Variants in DOCK3 observed in about 807,000 individuals in gnomAD.
The protein encoded by DOCK3 is dedicator of cytokinesis protein 3.
DOCK3 carries 60 observed loss-of-function variants against 265.6 expected under a neutral mutation model. That is an observed-to-expected ratio of 0.23 (90% CI 0.18 to 0.28). The LOEUF is 0.28. DOCK3 is among the 10% of genes least tolerant of loss of function. DOCK3 has a pLI of 1.00. For synonymous variants in DOCK3, 881 were observed against 938.0 expected (o/e 0.94, Z 1.11); for missense variants, 1,981 against 2,594.3 (o/e 0.76, Z 5.14).
At position 51,146,614 on chromosome 3, in the gene DOCK3, T is replaced by C. The variant is rs748067290; in HGVS notation, c.812T>C (p.Met271Thr). 3.0e-5 allele frequency: 48 copies of C among 1,591,124 alleles called. No homozygotes were observed. Among genetic ancestry groups the C allele is most frequent in the Admixed American group, 5.3e-5 (3 of 56,346 alleles). Residue 271 changes from methionine to threonine, a missense_variant, in exon 10 of 53, where the codon ATG becomes ACG. Physicochemically the swap from Met to Thr is moderately conservative, Grantham distance 81. Around this residue, in one of 4 missense-constraint regions of DOCK3, gnomAD observed 456 missense variants for 539.0 expected, o/e 0.85. Coordinates refer to ENST00000266037, the MANE Select transcript of DOCK3 (RefSeq NM_004947.5). ...AGGAACCCAGAGAAGATAGAACGAA[T>C]GTGTGCCCTTTTTACAGTATGTACG... ...GPRNPEKIER[M>T]CALFTDLSSK...
intron 4 of DOCK3, among the ~76,000 whole-genome samples, chr3:50,898,347 G>T (rs1553694071): frequency 6.6e-6 from 1 of 151,832 alleles, no homozygotes; most frequent in African/African-American, 2.4e-5. Flanking sequence ...CACTTTATTG[G>T]GTCTATTGGA....
chr3:51,135,491 A>T (rs2084751746), intron 9 of DOCK3, among the ~76,000 whole-genome samples: 1 of 152,158 alleles, frequency 6.6e-6, no homozygotes, highest in African/African-American at 2.4e-5. Context: ...CCCTAATACC[A>T]GTTGAAGTCC....
At chr3:51,266,301 C>G (rs1437517110) in intron 23 of DOCK3, among the ~76,000 whole-genome samples, 1 of 152,148 alleles carries the variant, frequency 6.6e-6, no homozygotes, top group East Asian at 1.9e-4. Context: ...CTACCACTGA[C>G]TTTCTTCACA....
At chr3:51,339,584 C>T (rs1040745884) in intron 37 of DOCK3, among the ~76,000 whole-genome samples, 2 of 152,198 alleles carry the variant, frequency 1.3e-5, no homozygotes, top group African/African-American at 4.8e-5. Flanking sequence ...GATAGGGCTC[C>T]TTTCATTGTA....
intron 5 of DOCK3, among the ~76,000 whole-genome samples, chr3:50,965,608 TA>T (rs2077004276): frequency 6.6e-6 from 1 of 152,108 alleles, no homozygotes; most frequent in South Asian, 2.1e-4. Flanking sequence ...TATTTCTGTA[TA>T]TAATAACTGT....
intron 5 of DOCK3, among the ~76,000 whole-genome samples, chr3:51,011,697 A>G (rs761384309): frequency 6.6e-6 from 1 of 152,190 alleles, no homozygotes; most frequent in Admixed American, 6.5e-5. Flanking sequence ...GGGAAGAGGC[A>G]CACTGATTTT....
intron 2 of DOCK3, among the ~76,000 whole-genome samples, chr3:50,816,433 C>T (rs3940822): frequency 0.095 from 14,302 of 151,086 alleles, 843 homozygotes; most frequent in Non-Finnish European, 0.12. Flanking sequence ...GTGATTCTCC[C>T]GCCTCAGCCT....
At chr3:50,712,043 AT>A (rs1184531095) in intron 1 of DOCK3, among the ~76,000 whole-genome samples, 1 of 152,006 alleles carries the variant, frequency 6.6e-6, no homozygotes, top group African/African-American at 2.4e-5. Flanking sequence ...GATTTTAGTA[AT>A]TTAAGTCTTT....
At chr3:50,928,347 T>G (rs1003574248) in intron 4 of DOCK3, among the ~76,000 whole-genome samples, 7 of 152,124 alleles carry the variant, frequency 4.6e-5, no homozygotes, top group African/African-American at 1.7e-4. Flanking sequence ...TTCTATTTTC[T>G]GTCTCTATGA....
chr3:50,905,967 C>T (rs1425517742), intron 4 of DOCK3, among the ~76,000 whole-genome samples: 1 of 152,022 alleles, frequency 6.6e-6, no homozygotes, highest in African/African-American at 2.4e-5. Flanking sequence ...GAGTTTTTAG[C>T]ATGAAGGGCT....
At chr3:50,940,585 T>A (rs931044154) in intron 5 of DOCK3, among the ~76,000 whole-genome samples, 2 of 152,104 alleles carry the variant, frequency 1.3e-5, no homozygotes, top group Admixed American at 1.3e-4. Context: ...TTTTTTTAAA[T>A]TAAAAATAAA....
intron 2 of DOCK3, among the ~76,000 whole-genome samples, chr3:50,805,185 G>T (rs1159097203): frequency 6.6e-6 from 1 of 152,122 alleles, no homozygotes; most frequent in Non-Finnish European, 1.5e-5. Flanking sequence ...TTATTTGCAT[G>T]AGTCTTGGGG....
chr3:50,756,189 T>C (rs1025143073), intron 1 of DOCK3, among the ~76,000 whole-genome samples: 2 of 152,204 alleles, frequency 1.3e-5, no homozygotes, highest in African/African-American at 4.8e-5. Context: ...TTTATGGAAG[T>C]TGTACACATG....
At chr3:51,211,161 G>T (rs567795408) in intron 13 of DOCK3, among the ~76,000 whole-genome samples, 2 of 152,140 alleles carry the variant, frequency 1.3e-5, no homozygotes, top group Non-Finnish European at 2.9e-5. Context: ...AAGGAGGGGT[G>T]GGGGAGGTAG....
chr3:51,132,034 CA>C (rs2084578955), intron 9 of DOCK3, among the ~76,000 whole-genome samples: 1 of 152,192 alleles, frequency 6.6e-6, no homozygotes, highest in South Asian at 2.1e-4. Context: ...TCCACCATCC[CA>C]ATCTCCCTAA....
chr3:50,857,756 A>G (rs1322609975), intron 3 of DOCK3, among the ~76,000 whole-genome samples: 3 of 152,328 alleles, frequency 2.0e-5, no homozygotes, highest in East Asian at 1.9e-4. Flanking sequence ...TAGAATAGCA[A>G]TCATTAAAAA....
intron 9 of DOCK3, among the ~76,000 whole-genome samples, chr3:51,116,654 G>T (rs978844829): frequency 6.6e-6 from 1 of 152,004 alleles, no homozygotes; most frequent in Non-Finnish European, 1.5e-5. Context: ...GTGGTTTGTA[G>T]TTCTCCTTGT....
At chr3:50,800,830 T>C (rs2043030563) in intron 2 of DOCK3, among the ~76,000 whole-genome samples, 1 of 152,180 alleles carries the variant, frequency 6.6e-6, no homozygotes, top group African/African-American at 2.4e-5. Flanking sequence ...AATACTGCTT[T>C]TGCTGTGTTC....
chr3:50,694,735 G>C (rs6768539), intron 1 of DOCK3, among the ~76,000 whole-genome samples: 3,799 of 152,116 alleles, frequency 0.025, 183 homozygotes, highest in African/African-American at 0.087. Flanking sequence ...CACTTGAACC[G>C]GGGAGGTGGA....
Sources: gnomAD v4.1 joint callset for allele counts (sites outside exome capture counted in the v4.1 genomes callset) on GRCh38, gnomAD v4.1.1 for gene constraint, gnomAD v4.1.1 regional missense constraint, MANE v1.5 for transcripts, NCBI Gene and HGNC (gene_info 2026-07-23, HGNC 2026-07-21) for gene names.